CYP7B1: variants seen among roughly 807,000 people sequenced by gnomAD.
CYP7B1 encodes cytochrome P450 7B1.
In CYP7B1, 29 loss-of-function variants were observed where a neutral mutation model predicts 42.7. That is an observed-to-expected ratio of 0.68 (90% CI 0.51 to 0.93). CYP7B1 has a LOEUF of 0.93. Ranked by LOEUF, CYP7B1 falls within the 40% of genes least tolerant of loss-of-function variation. The pLI is 0.00. For synonymous variants in CYP7B1, 235 were observed against 218.2 expected, an observed-to-expected ratio of 1.08 and a Z score of -0.68; for missense variants, 655 against 600.5, an observed-to-expected ratio of 1.09 and a Z score of -0.95.
intron 1 of CYP7B1, among the ~76,000 whole-genome samples, chr8:64,647,126 T>G (rs2129631114): frequency 6.6e-6 from 1 of 152,172 alleles, no homozygotes; most frequent in Admixed American, 6.5e-5. Context: ...TCTCAGGGAA[T>G]GGGGAGGCCT....
chr8:64,739,034 G>A (rs564086431), intron 1 of CYP7B1, among the ~76,000 whole-genome samples: 3 of 152,174 alleles, frequency 2.0e-5, no homozygotes, highest in African/African-American at 7.2e-5. Context: ...GGCAGGCAGA[G>A]GGAAAGAGTA....
chr8:64,597,434 G>T (rs535206838), intron 5 of CYP7B1, among the ~76,000 whole-genome samples: 1 of 152,304 alleles, frequency 6.6e-6, no homozygotes, highest in Admixed American at 6.5e-5. Context: ...TTAGGATCCG[G>T]TGCTGATGTT....
At chr8:64,623,149 A>T (rs899760245) in intron 2 of CYP7B1, among the ~76,000 whole-genome samples, 1 of 152,212 alleles carries the variant, frequency 6.6e-6, no homozygotes, top group African/African-American at 2.4e-5. Context: ...TATTCCTTCC[A>T]TCTCTCTACA....
chr8:64,686,281 G>A (rs1806642417), intron 1 of CYP7B1, among the ~76,000 whole-genome samples: 1 of 54,674 alleles, frequency 1.8e-5, no homozygotes, highest in Non-Finnish European at 4.1e-5. Context: ...GGGAGGTGGG[G>A]GGGTCGGCCC....
intron 1 of CYP7B1, among the ~76,000 whole-genome samples, chr8:64,735,911 T>C (rs1490698422): frequency 2.0e-5 from 3 of 152,168 alleles, no homozygotes; most frequent in African/African-American, 7.2e-5. Flanking sequence ...AATACTAATA[T>C]AAGTTGTAAA....
chr8:64,685,662 C>T (rs555081650), intron 1 of CYP7B1, among the ~76,000 whole-genome samples: 479 of 38,682 alleles, frequency 0.012, 6 homozygotes, highest in African/African-American at 0.027. Context: ...GGAGCCCCTC[C>T]GCCCCGCAGC....
chr8:64,591,960 G>A lies in CYP7B1; in HGVS notation c.*4682C>T, dbSNP rs1805042515. On this transcript the variant is annotated 3_prime_UTR_variant, in exon 6 of 6. Coordinates refer to ENST00000310193, the MANE Select transcript of CYP7B1 (RefSeq NM_004820.5). ...CCCAGCACTTAGGGAGTCCGAGGCGGGTGGATCACCTGAGGTCTGGAGTTC... is the reference window on the plus strand; with the variant it reads ...CCCAGCACTTAGGGAGTCCGAGGCGAGTGGATCACCTGAGGTCTGGAGTTC... Among the ~76,000 whole-genome samples the A allele has an allele frequency of 6.6e-6, 1 of 152,148 alleles. No homozygotes were observed. The highest frequency in any genetic ancestry group is 6.5e-5 in the Admixed American group (1 of 15,274).
At chr8:64,724,987 C>T (rs1359646481) in intron 1 of CYP7B1, among the ~76,000 whole-genome samples, 5 of 152,152 alleles carry the variant, frequency 3.3e-5, no homozygotes, top group Admixed American at 2.6e-4. Context: ...GTCATAAGAC[C>T]CTCATTCCAG....
rs963486806 is a variant in CYP7B1 at position 64,593,570 on chromosome 8, G to A, written c.*3072C>T. Among the ~76,000 whole-genome samples, 1 of 152,120 alleles carries A rather than the reference G, an allele frequency of 6.6e-6. No homozygotes were observed. The highest frequency in any genetic ancestry group is 2.4e-5 in the African/African-American group (1 of 41,426). The stretch of plus-strand genomic sequence containing the variant: ...TCAAGCTGAAATTTTAAGGTGATCT[G>A]AGTTTGGTAGTAGTATCAGCAGTCT... On this transcript the variant is annotated 3_prime_UTR_variant, in exon 6 of 6. Transcript: ENST00000310193.
chr8:64,752,343 ATGTCT>A (rs1363227085), intron 1 of CYP7B1, among the ~76,000 whole-genome samples: 7 of 152,136 alleles, frequency 4.6e-5, no homozygotes, highest in East Asian at 1.9e-4. Flanking sequence ...TCATAATGAA[ATGTCT>A]TGTCCAACTT....
chr8:64,629,606 C>CT (rs1010160602), intron 1 of CYP7B1, among the ~76,000 whole-genome samples: 30 of 145,834 alleles, frequency 2.1e-4, no homozygotes, highest in African/African-American at 2.2e-4. Flanking sequence ...GTTTGAACGA[C>CT]TTTTTTTTTT....
At chr8:64,724,806 G>C (rs749134079) in intron 1 of CYP7B1, among the ~76,000 whole-genome samples, 6 of 152,064 alleles carry the variant, frequency 3.9e-5, no homozygotes, top group Non-Finnish European at 8.8e-5. Context: ...CTCTTCCCTG[G>C]CTCTCTCTTA....
chr8:64,714,134 A>G (rs946605338), intron 1 of CYP7B1, among the ~76,000 whole-genome samples: 1 of 152,188 alleles, frequency 6.6e-6, no homozygotes, highest in Non-Finnish European at 1.5e-5. Context: ...TTCAGCATTC[A>G]TGCTCTTAAC....
At chr8:64,590,437 T>A (rs1321862140), downstream of CYP7B1, among the ~76,000 whole-genome samples, 1 of 152,248 alleles carries the variant, frequency 6.6e-6, no homozygotes, top group Non-Finnish European at 1.5e-5. Flanking sequence ...TACCCAGCTT[T>A]ATTCATTATC....
chr8:64,778,272 C>CAT (rs1471491605), intron 1 of CYP7B1, among the ~76,000 whole-genome samples: 1 of 150,118 alleles, frequency 6.7e-6, no homozygotes, highest in African/African-American at 2.4e-5. Context: ...CATATACACA[C>CAT]ATATACATGC....
At chr8:64,627,605 G>A (rs1805627877) in intron 1 of CYP7B1, among the ~76,000 whole-genome samples, 2 of 152,114 alleles carry the variant, frequency 1.3e-5, no homozygotes, top group Admixed American at 1.3e-4. Context: ...TTCTTCATGG[G>A]GTTTCCGCCA....
At chr8:64,703,565 T>C (rs1319515182) in intron 1 of CYP7B1, among the ~76,000 whole-genome samples, 1 of 151,936 alleles carries the variant, frequency 6.6e-6, no homozygotes, top group Non-Finnish European at 1.5e-5. Flanking sequence ...CTCACATTAA[T>C]AGGGTAAACA....
intron 1 of CYP7B1, among the ~76,000 whole-genome samples, chr8:64,664,653 T>C (rs1184575218): frequency 6.6e-6 from 1 of 152,196 alleles, no homozygotes; most frequent in African/African-American, 2.4e-5. Flanking sequence ...GTTAAGCAGA[T>C]GTCCTTTCAC....
intron 1 of CYP7B1, among the ~76,000 whole-genome samples, chr8:64,775,922 A>G (rs1265867050): frequency 6.6e-6 from 1 of 152,180 alleles, no homozygotes; most frequent in Non-Finnish European, 1.5e-5. Flanking sequence ...TATCTGGTTC[A>G]GCTTCTTCAT....
Sources: gnomAD v4.1 joint callset for allele counts (sites outside exome capture counted in the v4.1 genomes callset) on GRCh38, gnomAD v4.1.1 for gene constraint, MANE v1.5 for transcripts, NCBI Gene and HGNC (gene_info 2026-07-23, HGNC 2026-07-21) for gene names.